The following CACNA1B variants were observed in gnomAD, a reference collection of about 807,000 sequenced individuals.
CACNA1B encodes the protein voltage-dependent N-type calcium channel subunit alpha-1B.
A neutral mutation model predicts 247.2 loss-of-function variants in CACNA1B; 70 were observed. The observed-to-expected ratio is 0.28, with a 90% CI of 0.23 to 0.35. CACNA1B has a LOEUF of 0.35. CACNA1B is among the 10% of genes least tolerant of loss of function. The probability of loss-of-function intolerance (pLI) is 1.00; values close to 1 mark genes in which losing one functional copy is unlikely to be tolerated. For missense variants in CACNA1B, 2,367 were observed against 3,197.4 expected (o/e 0.74, Z 6.26); for synonymous variants, 1,231 against 1,294.4 (o/e 0.95, Z 1.05).
intron 15 of CACNA1B, among the ~76,000 whole-genome samples, chr9:137,998,333 G>C (rs1426643900): frequency 6.6e-6 from 1 of 151,996 alleles, no homozygotes; most frequent in Non-Finnish European, 1.5e-5. Context: ...AGTGTAGGCC[G>C]GGCACGGTGG....
intron 1 of CACNA1B, among the ~76,000 whole-genome samples, chr9:137,878,534 G>A (rs1956868807): frequency 1.3e-5 from 2 of 152,186 alleles, no homozygotes; most frequent in East Asian, 3.9e-4. Flanking sequence ...GCAGGTGCGA[G>A]CGCTGTGGGG....
chr9:138,058,020 C>T lies in CACNA1B; in HGVS notation c.4107-29C>T, dbSNP rs977287631. On this transcript the variant is annotated intron_variant, in intron 27 of 46. Transcript: ENST00000371372. This position sits in a 1 kb window ranked among gnomAD's most constrained non-coding sequence, Gnocchi z 4.7. ...TTAGGGCTGTCTCCTTTGGGGGTTC[C>T]CCTGACACTTGCTCTCCTCTTTGCC... is the stretch of plus-strand genomic sequence containing the variant. 5.0e-6 allele frequency: 8 copies of T among 1,600,234 alleles called. No individual in the cohort carries two copies. In the South Asian group the frequency reaches 8.8e-5, roughly 18 times the overall value.
At position 138,043,841 on chromosome 9, in the gene CACNA1B, G is replaced by A. The variant is rs374709337; in HGVS notation, c.3354G>A (p.Arg1118=). The change falls in exon 21 of 47, where the codon AGG becomes AGA. Residue 1118 remains arginine, a synonymous_variant. Coordinates refer to ENST00000371372, the MANE Select transcript of CACNA1B (RefSeq NM_000718.4). Reference sequence around the variant, plus strand: ...AGGTGGAAGCGGATGACGTGATGAGGAGCGGCCCCCGGCCTATCGTCCCAT... The same window carrying A: ...AGGTGGAAGCGGATGACGTGATGAGAAGCGGCCCCCGGCCTATCGTCCCAT... ...KKEVEADDVM[R]SGPRPIVPYS... is the part of the protein sequence containing the mutation. The A allele has an allele frequency of 3.1e-6, 5 of 1,613,868 alleles. No individual in the cohort carries two copies. Among genetic ancestry groups the A allele is most frequent in the African/African-American group, 1.3e-5 (1 of 74,910 alleles).
rs930952154 is a variant in CACNA1B at position 137,973,870 on chromosome 9, T to C, written c.1544-2037T>C. 6.0e-4 allele frequency among the ~76,000 whole-genome samples: 91 copies of C among 152,172 alleles called. No individual in the cohort carries two copies. The highest frequency in any genetic ancestry group is 2.1e-3 in the African/African-American group (88 of 41,426). ...TTTCAGATCTCTTTCTCTGAAAGTT[T>C]TACCGTTTGCATTTCTTGTACTTGT... On this transcript the variant is annotated intron_variant, in intron 11 of 46. Transcript: ENST00000371372. The surrounding 1 kb of genome is among the most constrained non-coding windows in gnomAD (Gnocchi z 4.1).
chr9:137,959,954 G>T (rs558764025), intron 10 of CACNA1B, among the ~76,000 whole-genome samples: 5 of 152,154 alleles, frequency 3.3e-5, no homozygotes, highest in East Asian at 3.9e-4. Context: ...GCGTGTGGAG[G>T]GGGGGCGGTG....
chr9:138,038,721 T>A (rs1959077927), intron 20 of CACNA1B, among the ~76,000 whole-genome samples: 1 of 152,236 alleles, frequency 6.6e-6, no homozygotes, highest in Non-Finnish European at 1.5e-5. Flanking sequence ...CCTCCCTGTC[T>A]TGCTTTTGTC....
Position 137,913,458 on chromosome 9 carries a change from A to G in CACNA1B, c.622+187A>G, listed in dbSNP as rs1957379550. Among the ~76,000 whole-genome samples, 1 of 152,142 alleles carries G rather than the reference A, an allele frequency of 6.6e-6. No individual in the cohort carries two copies. The highest frequency in any genetic ancestry group is 6.5e-5 in the Admixed American group (1 of 15,272). On this transcript the variant is annotated intron_variant, in intron 4 of 46. Coordinates refer to ENST00000371372, the MANE Select transcript of CACNA1B (RefSeq NM_000718.4). The surrounding 1 kb of genome is among the most constrained non-coding windows in gnomAD (Gnocchi z 5.2). ...TTTGGCCTGTCACACCCTCCATGAA[A>G]GCCCACAGGGTGATGCTGTTATTTT...
intron 20 of CACNA1B, among the ~76,000 whole-genome samples, chr9:138,040,346 G>A (rs961380391): frequency 6.6e-6 from 1 of 151,950 alleles, no homozygotes; most frequent in African/African-American, 2.4e-5. Flanking sequence ...TGGTGACCTT[G>A]TTTCATGGTG....
chr9:137,903,010 C>CTATA (rs1957256721), intron 3 of CACNA1B, among the ~76,000 whole-genome samples: 1 of 152,248 alleles, frequency 6.6e-6, no homozygotes, highest in African/African-American at 2.4e-5. Context: ...AAACGCATAC[C>CTATA]TATATCTTTA....
chr9:137,996,302 T>C (rs1958500035), intron 15 of CACNA1B, among the ~76,000 whole-genome samples: 2 of 152,186 alleles, frequency 1.3e-5, no homozygotes, highest in Non-Finnish European at 2.9e-5. Flanking sequence ...ACGTAGTGTA[T>C]ACCAGTATAC....
chr9:138,058,317 C>T lies in CACNA1B; in HGVS notation c.4308+67C>T. ...GCAGCGCCATCAGGCTTCCCTCCTG[C>T]ACACAAATCACTCACAGCTGGGTCA... On this transcript the variant is annotated intron_variant, in intron 28 of 46. Coordinates refer to ENST00000371372, the MANE Select transcript of CACNA1B (RefSeq NM_000718.4). This position sits in a 1 kb window ranked among gnomAD's most constrained non-coding sequence, Gnocchi z 4.7. 1 of 1,317,312 alleles carries T rather than the reference C, an allele frequency of 7.6e-7. No homozygotes were observed. Among genetic ancestry groups the T allele is most frequent in the Non-Finnish European group, 1.1e-6 (1 of 918,484 alleles). The allele number at this position is 1,317,312 out of a possible 1,614,324, so 81.6% of individuals were successfully genotyped here.
In CACNA1B at chr9:138,025,113, C is replaced by G; in HGVS notation, c.3227C>G (p.Thr1076Ser). ...RMGSQPPDPN[T>S]IVHIPVMLTG... ...GGCAGTCAGCCCCCAGACCCGAACA[C>G]TATTGTACATATCCCAGTGATGCTG... is the stretch of plus-strand genomic sequence containing the variant. The change falls in exon 20 of 47, where the codon ACT (threonine) becomes AGT (serine). Residue 1076 changes from threonine to serine, a missense_variant. Around this residue, in one of 12 missense-constraint regions of CACNA1B, gnomAD observed 631 missense variants for 631.1 expected, o/e 1.00. Coordinates refer to ENST00000371372, the MANE Select transcript of CACNA1B (RefSeq NM_000718.4). 6.2e-7 allele frequency: 1 copy of G among 1,613,574 alleles called. No individual in the cohort carries two copies.
At chr9:138,055,451 G>T (rs1031607707) in intron 26 of CACNA1B, among the ~76,000 whole-genome samples, 1 of 152,078 alleles carries the variant, frequency 6.6e-6, no homozygotes, top group Non-Finnish European at 1.5e-5. Flanking sequence ...TTTTAATAGA[G>T]TCCAACTGAT....
At position 138,090,701 on chromosome 9, in the gene CACNA1B, C is replaced by CAAAAAAAAAA. The variant is rs1173964720; in HGVS notation, c.5095-5759_5095-5750dup. Reference sequence around the variant, plus strand: ...TACAAGGTGAAACTCAACCCATCAGCAAAAAAAAAAAAAAAAAAAAAAAAA... The same window carrying CAAAAAAAAAA: ...TACAAGGTGAAACTCAACCCATCAGCAAAAAAAAAAAAAAAAAAAAAAAAAAAAAAAAAAA... On this transcript the variant is annotated intron_variant, in intron 36 of 46. Coordinates refer to ENST00000371372, the MANE Select transcript of CACNA1B (RefSeq NM_000718.4). Among the ~76,000 whole-genome samples the CAAAAAAAAAA allele has an allele frequency of 2.2e-3, 36 of 16,590 alleles. 1 individual carries two copies. The highest frequency in any genetic ancestry group is 5.6e-3 in the East Asian group (1 of 180). The allele number at this position is 16,590 out of a possible 152,430, so 10.9% of individuals were successfully genotyped here. A position where few individuals can be genotyped will look rare whatever the true frequency, so the allele number is the denominator to read the frequency against.
chr9:138,107,257 T>C (rs1240844744), intron 39 of CACNA1B, among the ~76,000 whole-genome samples: 2 of 103,064 alleles, frequency 1.9e-5, no homozygotes, highest in Admixed American at 1.8e-4. Flanking sequence ...TTTATTTATT[T>C]ATTTATTTAT....
At chr9:137,902,223 T>G (rs1957248091) in intron 3 of CACNA1B, among the ~76,000 whole-genome samples, 1 of 152,156 alleles carries the variant, frequency 6.6e-6, no homozygotes, top group Non-Finnish European at 1.5e-5. Flanking sequence ...CATTAACGTT[T>G]ATTGAGTGCA....
In CACNA1B at chr9:138,011,493, C is replaced by T. The variant is rs1422531062; in HGVS notation, c.2160+1416C>T. On this transcript the variant is annotated intron_variant, in intron 17 of 46. Transcript: ENST00000371372. The surrounding 1 kb of genome is among the most constrained non-coding windows in gnomAD (Gnocchi z 4.2). Reference sequence around the variant, plus strand: ...ACCAAGAGCCGCAAAGTTTATGACTCGACCATCCCCTTCCCTTATATTCCC... The same window carrying T: ...ACCAAGAGCCGCAAAGTTTATGACTTGACCATCCCCTTCCCTTATATTCCC... Among the ~76,000 whole-genome samples, 2 of 152,192 alleles carry T rather than the reference C, an allele frequency of 1.3e-5. No individual in the cohort carries two copies. Among genetic ancestry groups the T allele is most frequent in the East Asian group, 1.9e-4 (1 of 5,194 alleles).
rs879876998 is a variant in CACNA1B, at chr9:138,010,726, A to G, written c.2160+649A>G. On this transcript the variant is annotated intron_variant, in intron 17 of 46. Coordinates refer to ENST00000371372, the MANE Select transcript of CACNA1B (RefSeq NM_000718.4). This position sits in a 1 kb window ranked among gnomAD's most constrained non-coding sequence, Gnocchi z 5.3. ...AGTGTGTACCTGTGTGTCACCATGT[A>G]TGTGTCACTGTGTGCCCTCTTCTGC... 6.6e-6 allele frequency among the ~76,000 whole-genome samples: 1 copy of G among 152,048 alleles called. No individual in the cohort carries two copies. The highest frequency in any genetic ancestry group is 2.4e-5 in the African/African-American group (1 of 41,388).
chr9:138,080,690 A>C (rs546867317), intron 36 of CACNA1B, among the ~76,000 whole-genome samples: 3 of 152,308 alleles, frequency 2.0e-5, no homozygotes, highest in South Asian at 4.1e-4. Flanking sequence ...TTAATAGATG[A>C]TGTGAGCCCC....
Sources: gnomAD v4.1 joint callset for allele counts (sites outside exome capture counted in the v4.1 genomes callset) on GRCh38, gnomAD v4.1.1 for gene constraint, gnomAD v4.1.1 regional missense constraint, Gnocchi (gnomAD v3.1) non-coding constraint, MANE v1.5 for transcripts, NCBI Gene and HGNC (gene_info 2026-07-23, HGNC 2026-07-21) for gene names.